The following DNM3 variants were observed in gnomAD, a reference collection of about 807,000 sequenced individuals.
DNM3 encodes dynamin 3, also known as dynamin-3.
Under a neutral mutation model 101.6 loss-of-function variants are expected in DNM3, and 47 were observed. The ratio of observed to expected loss-of-function variants is 0.46; its 90% confidence interval spans 0.37 to 0.59. The LOEUF (loss-of-function observed/expected upper bound fraction) is 0.59, where lower values mean the gene tolerates loss of function less well. DNM3 is among the 20% of genes least tolerant of loss of function. The pLI, the probability that DNM3 is intolerant of heterozygous loss-of-function variation, is 0.00. For synonymous variants in DNM3, 385 were observed against 387.9 expected (o/e 0.99, Z 0.09); for missense variants, 849 against 1,085.7 (o/e 0.78, Z 3.06).
chr1:172,230,715 T>C (rs1443437097), intron 14 of DNM3, among the ~76,000 whole-genome samples: 2 of 152,102 alleles, frequency 1.3e-5, no homozygotes, highest in African/African-American at 4.8e-5. Context: ...CTTCAGCCCA[T>C]TGCGAGCACA....
At chr1:171,892,368 A>G (rs1007769882) in intron 1 of DNM3, among the ~76,000 whole-genome samples, 2 of 152,174 alleles carry the variant, frequency 1.3e-5, no homozygotes, top group African/African-American at 4.8e-5. Context: ...ATTGGATTGT[A>G]GCTGCTTTTA....
chr1:172,150,327 A>T (rs1374337226), intron 14 of DNM3, among the ~76,000 whole-genome samples: 2 of 152,208 alleles, frequency 1.3e-5, no homozygotes, highest in Non-Finnish European at 2.9e-5. Flanking sequence ...GTTGCAAATG[A>T]GTATTAATCA....
intron 15 of DNM3, among the ~76,000 whole-genome samples, chr1:172,259,691 A>G (rs1025086048): frequency 6.6e-6 from 1 of 152,122 alleles, no homozygotes; most frequent in Admixed American, 6.6e-5. Context: ...TCAAAAATTC[A>G]TTCAGCCAGT....
intron 10 of DNM3, among the ~76,000 whole-genome samples, chr1:172,065,092 T>A (rs2051547042): frequency 6.6e-6 from 1 of 152,224 alleles, no homozygotes; most frequent in Admixed American, 6.5e-5. Flanking sequence ...TAGATGTCTC[T>A]ACTTCATGGG....
intron 13 of DNM3, among the ~76,000 whole-genome samples, chr1:172,123,907 T>C (rs1229400619): frequency 6.6e-6 from 1 of 152,174 alleles, no homozygotes; most frequent in Non-Finnish European, 1.5e-5. Flanking sequence ...TCTACCTTCT[T>C]GATATCACTC....
In DNM3 at chr1:172,038,903, G is replaced by T. The variant is rs114645874; in HGVS notation, c.992+442G>T. ...TTTTTCAGTGGAATGAGAACCAAGG[G>T]TTTAATTTAAAAGTTCTAACAATAA... On this transcript the variant is annotated intron_variant, in intron 7 of 20. Transcript: ENST00000627582. Among the ~76,000 whole-genome samples, 1,056 of 149,114 alleles carry T rather than the reference G, an allele frequency of 7.1e-3. 19 individuals are homozygous for T. The highest frequency in any genetic ancestry group is 0.025 in the African/African-American group (995 of 40,572).
intron 4 of DNM3, among the ~76,000 whole-genome samples, chr1:172,001,425 T>G (rs186269383): frequency 3.0e-4 from 46 of 152,082 alleles, no homozygotes; most frequent in African/African-American, 1.1e-3. Context: ...AGTGGTGGTG[T>G]TGATTGATTA....
chr1:172,267,947 C>G (rs542448872), intron 15 of DNM3, among the ~76,000 whole-genome samples: 13 of 152,098 alleles, frequency 8.5e-5, no homozygotes, highest in Admixed American at 5.9e-4. Context: ...CTCCTGACCT[C>G]GTGATTCACC....
At chr1:172,053,094 A>C (rs963816469) in intron 10 of DNM3, among the ~76,000 whole-genome samples, 5 of 152,056 alleles carry the variant, frequency 3.3e-5, no homozygotes, top group Admixed American at 6.6e-5. Context: ...AAAATTATTC[A>C]ACGACTCCTC....
chr1:172,205,087 A>G (rs562622240), intron 14 of DNM3, among the ~76,000 whole-genome samples: 2 of 152,172 alleles, frequency 1.3e-5, no homozygotes, highest in Non-Finnish European at 2.9e-5. Flanking sequence ...ATAAACGTGC[A>G]TGTGTTTTGG....
At position 171,944,339 on chromosome 1, in the gene DNM3, GTATTTATTTATTTATTTATT is replaced by G. The variant is rs60936293; in HGVS notation, c.235+22544_235+22563del. On this transcript the variant is annotated intron_variant, in intron 2 of 20. Coordinates refer to ENST00000627582, the MANE Select transcript of DNM3 (RefSeq NM_015569.5). ...CATATTTTGCCAACTTTTAAACAAT[GTATTTATTTATTTATTTATT>G]TATTTATTTATTTATTTATTTATTT... Among the ~76,000 whole-genome samples, 1,457 of 147,060 alleles carry G rather than the reference GTATTTATTTATTTATTTATT, an allele frequency of 9.9e-3. 18 individuals are homozygous for G. The highest frequency in any genetic ancestry group is 0.034 in the African/African-American group (1,347 of 39,604).
intron 14 of DNM3, among the ~76,000 whole-genome samples, chr1:172,211,043 A>T (rs2060496234): frequency 6.6e-6 from 1 of 152,138 alleles, no homozygotes; most frequent in South Asian, 2.1e-4. Context: ...GAGTAAACGG[A>T]AATATATCTT....
intron 16 of DNM3, among the ~76,000 whole-genome samples, chr1:172,314,247 G>A (rs576021526): frequency 6.6e-6 from 1 of 152,268 alleles, no homozygotes; most frequent in South Asian, 2.1e-4. Context: ...ATGTGGCACA[G>A]GGGGAGGAGC....
chr1:172,384,387 G>C (rs2069080534), intron 18 of DNM3, among the ~76,000 whole-genome samples: 1 of 152,170 alleles, frequency 6.6e-6, no homozygotes, highest in African/African-American at 2.4e-5. Flanking sequence ...GGCACTAACT[G>C]TGTGCTGGGC....
At chr1:172,116,866 A>T (rs896904164) in intron 13 of DNM3, among the ~76,000 whole-genome samples, 1 of 152,254 alleles carries the variant, frequency 6.6e-6, no homozygotes, top group East Asian at 1.9e-4. Flanking sequence ...AGCATTTCTT[A>T]GAACGTACTT....
At chr1:172,072,066 A>G (rs1376328301) in intron 11 of DNM3, among the ~76,000 whole-genome samples, 2 of 152,090 alleles carry the variant, frequency 1.3e-5, no homozygotes, top group African/African-American at 4.8e-5. Flanking sequence ...AAAGCTATTC[A>G]TGACAGCCTT....
intron 1 of DNM3, among the ~76,000 whole-genome samples, chr1:171,901,320 C>T (rs2038335157): frequency 6.6e-6 from 1 of 151,910 alleles, no homozygotes; most frequent in Non-Finnish European, 1.5e-5. Context: ...GAAGACAGCA[C>T]GGAGAGACAA....
chr1:172,366,300 A>G (rs1318404024), intron 17 of DNM3, among the ~76,000 whole-genome samples: 2 of 151,922 alleles, frequency 1.3e-5, no homozygotes, highest in Non-Finnish European at 2.9e-5. Flanking sequence ...AAAACCAACC[A>G]AATACAAAGA....
intron 14 of DNM3, among the ~76,000 whole-genome samples, chr1:172,193,430 G>A (rs1410972190): frequency 6.6e-6 from 1 of 152,116 alleles, no homozygotes; most frequent in Admixed American, 6.6e-5. Flanking sequence ...GTTTCAGAAG[G>A]AATGGAACCA....
Sources: allele counts gnomAD v4.1 joint callset (sites outside exome capture counted in the v4.1 genomes callset), GRCh38; gene constraint gnomAD v4.1.1; transcripts MANE v1.5; gene names NCBI Gene and HGNC (gene_info 2026-07-23, HGNC 2026-07-21).